The following PCDHGB4 variants were observed in gnomAD, a reference collection of about 807,000 sequenced individuals.
The protein encoded by PCDHGB4 is protocadherin gamma-B4.
A neutral mutation model predicts 60.5 loss-of-function variants in PCDHGB4; 38 were observed. The observed-to-expected ratio is 0.63, with a 90% CI of 0.48 to 0.82. PCDHGB4 has a LOEUF of 0.82. Ranked by LOEUF, PCDHGB4 falls within the 40% of genes least tolerant of loss-of-function variation. The pLI is 0.00. For synonymous variants in PCDHGB4, 456 were observed against 509.7 expected (o/e 0.89, Z 1.42); for missense variants, 1,109 against 1,209.6 (o/e 0.92, Z 1.23).
chr5:141,400,221 C>G (rs377228541), intron 1 of PCDHGB4: 1 of 1,614,060 alleles, frequency 6.2e-7, no homozygotes, highest in Non-Finnish European at 8.5e-7. Flanking sequence ...TCTCAGTGCT[C>G]TTCCTCCTGG....
At chr5:141,409,098 G>A in intron 1 of PCDHGB4, 2 of 1,613,994 alleles carry the variant, frequency 1.2e-6, no homozygotes, top group Non-Finnish European at 1.7e-6. Flanking sequence ...GAGAAAACAG[G>A]TATGATTAAG....
chr5:141,443,849 T>A (rs1233479391), intron 1 of PCDHGB4, among the ~76,000 whole-genome samples: 2 of 152,136 alleles, frequency 1.3e-5, no homozygotes, highest in Admixed American at 1.3e-4. Flanking sequence ...ATATGGAAAG[T>A]CTGAAAACTG....
chr5:141,403,969 T>C (rs1437416293), intron 1 of PCDHGB4: 2 of 1,613,808 alleles, frequency 1.2e-6, no homozygotes, highest in Non-Finnish European at 1.7e-6. Context: ...CGGTGGAAGA[T>C]GTAAATGACA....
At chr5:141,392,732 T>C in intron 1 of PCDHGB4, 1 of 1,414,588 alleles carries the variant, frequency 7.1e-7, no homozygotes. Context: ...AGGATTGTCA[T>C]CTCCATAGCT....
chr5:141,441,633 C>T, intron 1 of PCDHGB4: 1 of 226,756 alleles, frequency 4.4e-6, no homozygotes, highest in Non-Finnish European at 8.9e-6. Flanking sequence ...CCTGGAGCCA[C>T]AGGCGCTGTG....
chr5:141,423,877 C>A, intron 1 of PCDHGB4: 1 of 1,283,890 alleles, frequency 7.8e-7, no homozygotes, highest in Non-Finnish European at 9.9e-7. Flanking sequence ...ATTTTTCAAT[C>A]TTGGCATATT....
At chr5:141,474,156 A>C (rs1387216017) in intron 1 of PCDHGB4, among the ~76,000 whole-genome samples, 1 of 152,244 alleles carries the variant, frequency 6.6e-6, no homozygotes, top group East Asian at 1.9e-4. Flanking sequence ...CAAGAAAATG[A>C]CAGGCCTTAT....
chr5:141,503,077 TCTC>T (rs1212079220), intron 2 of PCDHGB4, among the ~76,000 whole-genome samples: 1 of 151,810 alleles, frequency 6.6e-6, no homozygotes, highest in African/African-American at 2.4e-5. Flanking sequence ...ATGGTCTCGA[TCTC>T]CTGACCTCGT....
At chr5:141,462,314 A>C (rs1283684392) in intron 1 of PCDHGB4, among the ~76,000 whole-genome samples, 1 of 152,186 alleles carries the variant, frequency 6.6e-6, no homozygotes, top group Non-Finnish European at 1.5e-5. Flanking sequence ...TATATTTGTC[A>C]CTGATTTCTA....
chr5:141,392,785 T>G (rs1329989423), intron 1 of PCDHGB4: 2 of 1,549,000 alleles, frequency 1.3e-6, no homozygotes, highest in African/African-American at 2.7e-5. Flanking sequence ...ACAGTGAAGA[T>G]TCTGAGAGGA....
chr5:141,494,688 A>T (rs2099756168), intron 1 of PCDHGB4, 119 bp from the exon 2 acceptor site: 1 of 1,576,254 alleles, frequency 6.3e-7, no homozygotes, highest in Non-Finnish European at 8.6e-7. Context: ...GCCCCCTCTT[A>T]GTCCGTTTTC....
At chr5:141,439,774 T>G (rs1435214431) in intron 1 of PCDHGB4, 2 of 152,364 alleles carry the variant, frequency 1.3e-5, no homozygotes, top group East Asian at 3.9e-4. Context: ...CCTTCTTGGC[T>G]GGAGATTCTA....
intron 2 of PCDHGB4, among the ~76,000 whole-genome samples, chr5:141,497,332 A>G (rs537994715): frequency 6.6e-6 from 1 of 152,024 alleles, no homozygotes; most frequent in Non-Finnish European, 1.5e-5. Context: ...AGAATTCACC[A>G]TTGAACCTGG....
intron 1 of PCDHGB4, among the ~76,000 whole-genome samples, chr5:141,466,735 T>C (rs2099128254): frequency 6.6e-6 from 1 of 152,224 alleles, no homozygotes; most frequent in South Asian, 2.1e-4. Context: ...GCAGAATTCA[T>C]GTTACTCTGA....
intron 1 of PCDHGB4, chr5:141,392,226 A>C (rs1468453380): frequency 1.3e-5 from 2 of 152,228 alleles, no homozygotes; most frequent in Non-Finnish European, 2.9e-5. Flanking sequence ...GTGACAACTG[A>C]AGTTCTTAGT....
At chr5:141,471,965 G>A (rs919560714) in intron 1 of PCDHGB4, among the ~76,000 whole-genome samples, 4 of 152,160 alleles carry the variant, frequency 2.6e-5, no homozygotes, top group Non-Finnish European at 4.4e-5. Context: ...GGGGTTGGTT[G>A]CATTACTGTA....
rs540507159 is a variant in PCDHGB4 at position 141,422,671 on chromosome 5, A to G, written c.2397+32390A>G. On this transcript the variant is annotated intron_variant, in intron 1 of 3. Coordinates refer to ENST00000519479, the MANE Select transcript of PCDHGB4 (RefSeq NM_003736.4). The stretch of plus-strand genomic sequence containing the variant: ...CTCAGTGACCGCCCTCGACCCGGAC[A>G]GCAAACAGAATGCCCTGGTCACTTA... 4 of 1,607,248 alleles carry G rather than the reference A, an allele frequency of 2.5e-6. No homozygotes were observed. The Admixed American group carries it at 5.0e-5, about 20-fold the overall frequency.
chr5:141,433,555 G>C (rs1434189062), intron 1 of PCDHGB4, among the ~76,000 whole-genome samples: 1 of 152,088 alleles, frequency 6.6e-6, no homozygotes, highest in African/African-American at 2.4e-5. Flanking sequence ...TTCTTTTCTG[G>C]CTGGGCGCGG....
intron 1 of PCDHGB4, among the ~76,000 whole-genome samples, chr5:141,482,791 G>T (rs1039924143): frequency 2.6e-5 from 4 of 152,168 alleles, no homozygotes; most frequent in African/African-American, 9.7e-5. Flanking sequence ...TGTGTGTGTG[G>T]CCGGGTACGG....
Sources: gnomAD v4.1 joint callset for allele counts (sites outside exome capture counted in the v4.1 genomes callset) on GRCh38, gnomAD v4.1.1 for gene constraint, MANE v1.5 for transcripts, NCBI Gene and HGNC (gene_info 2026-07-23, HGNC 2026-07-21) for gene names.